WASHC5: variants seen among roughly 807,000 people sequenced by gnomAD.
The protein encoded by WASHC5 is WASH complex subunit 5.
In WASHC5, 101 loss-of-function variants were observed where a neutral mutation model predicts 150.4. The observed-to-expected ratio is 0.67, with a 90% CI of 0.57 to 0.79. The LOEUF is 0.79. Among genes scored for constraint, WASHC5 ranks in the 30% least tolerant of loss-of-function variants. The probability of loss-of-function intolerance (pLI) is 0.00; values close to 1 mark genes in which losing one functional copy is unlikely to be tolerated. For synonymous variants in WASHC5, 467 were observed against 491.2 expected, an observed-to-expected ratio of 0.95 and a Z score of 0.65; for missense variants, 1,195 against 1,396.3, an observed-to-expected ratio of 0.86 and a Z score of 2.30.
At chr8:125,079,951 A>G (rs1817199241) in intron 5 of WASHC5, among the ~76,000 whole-genome samples, 1 of 152,248 alleles carries the variant, frequency 6.6e-6, no homozygotes, top group Non-Finnish European at 1.5e-5. Context: ...AAATTAAAAA[A>G]TAATTTAAAA....
chr8:125,053,048 C>T (rs1402098089), intron 17 of WASHC5, among the ~76,000 whole-genome samples: 1 of 151,268 alleles, frequency 6.6e-6, no homozygotes, highest in Admixed American at 6.6e-5. Context: ...AAGTGAAAAA[C>T]AGTATGGGTA....
intron 8 of WASHC5, among the ~76,000 whole-genome samples, chr8:125,074,709 T>C (rs1042251666): frequency 2.6e-5 from 4 of 152,182 alleles, no homozygotes; most frequent in East Asian, 1.9e-4. Flanking sequence ...CATGAGAATA[T>C]AGTCTTTAAG....
intron 17 of WASHC5, among the ~76,000 whole-genome samples, chr8:125,051,130 C>G (rs576357688): frequency 6.6e-6 from 1 of 152,048 alleles, no homozygotes. Context: ...GATTTGAGGT[C>G]GGGCCACTCT....
rs1336291270 is a variant in WASHC5, at chr8:125,024,474, TACTC to T, written c.*139_*142del. 7.0e-6 allele frequency: 5 copies of T among 714,156 alleles called. No individual in the cohort carries two copies. Among genetic ancestry groups the T allele is most frequent in the African/African-American group, 3.5e-5 (2 of 56,950 alleles). The allele number at this position is 714,156 out of a possible 1,614,324, so 44.2% of individuals were successfully genotyped here. A position where few individuals can be genotyped will look rare whatever the true frequency, so the allele number is the denominator to read the frequency against. ...TTAACTAATGCCATGAGATATATCT[TACTC>T]AGAACGTCTGATGTTTCCCATAATA... is the stretch of plus-strand genomic sequence containing the variant. On this transcript the variant is annotated 3_prime_UTR_variant, in exon 29 of 29. Coordinates refer to ENST00000318410, the MANE Select transcript of WASHC5 (RefSeq NM_014846.4).
At chr8:125,056,947 T>A in intron 15 of WASHC5, 130 bp from the exon 16 acceptor site, 1 of 1,013,858 alleles carries the variant, frequency 9.9e-7, no homozygotes, top group Non-Finnish European at 1.5e-6. Context: ...TTTTAATAAC[T>A]GCTGGCAGGC....
intron 6 of WASHC5, 114 bp downstream of exon 6, chr8:125,078,624 G>A: frequency 1.1e-6 from 1 of 882,478 alleles, no homozygotes; most frequent in Non-Finnish European, 1.9e-6. Flanking sequence ...GTTTTAAAAG[G>A]TTCTACCTGC....
intron 9 of WASHC5, among the ~76,000 whole-genome samples, chr8:125,069,800 C>T (rs1816849600): frequency 6.6e-6 from 1 of 152,158 alleles, no homozygotes; most frequent in Non-Finnish European, 1.5e-5. Context: ...TTTTCAGCTC[C>T]ATATTTACCT....
At position 125,061,113 on chromosome 8, in the gene WASHC5, T is replaced by A. The variant is rs369308155; in HGVS notation, c.1490A>T (p.Lys497Ile). The A allele has an allele frequency of 2.5e-6, 4 of 1,611,304 alleles. No homozygotes were observed. Among genetic ancestry groups the A allele is most frequent in the Non-Finnish European group, 3.4e-6 (4 of 1,177,622 alleles). ...NYDDSTAAGR[K>I]TVQLIQALEE... ...CAAAGCTTGTATCAGTTGTACAGTT[T>A]TTCTGCCCGCAGCAGTAGAATCATC... Residue 497 changes from lysine to isoleucine, a missense_variant, in exon 12 of 29, where the codon AAA (lysine) becomes ATA (isoleucine). By Grantham distance (102) the Lys-to-Ile change is moderately radical (BLOSUM62 -3). Transcript: ENST00000318410.
intron 10 of WASHC5, among the ~76,000 whole-genome samples, chr8:125,067,180 A>G: frequency 6.6e-6 from 1 of 151,876 alleles, no homozygotes; most frequent in East Asian, 1.9e-4. Flanking sequence ...ATGCCCAGCT[A>G]ATTTTTGTAT....
rs1158605532 is a variant in WASHC5, at chr8:125,044,903, T to C, written c.2505-205A>G. ...AAGGTAAAATTCAGTCTGACCCCCT[T>C]TTCCTGCCCTATGCCATATCATTGG... On this transcript the variant is annotated intron_variant, in intron 20 of 28. Transcript: ENST00000318410. The C allele has an allele frequency of 4.8e-6, 3 of 618,564 alleles. No individual in the cohort carries two copies. In the African/African-American group the frequency reaches 5.5e-5, roughly 11 times the overall value. The allele number at this position is 618,564 out of a possible 1,614,324, so 38.3% of individuals were successfully genotyped here.
chr8:125,062,184 A>C (rs1282211128), intron 11 of WASHC5, among the ~76,000 whole-genome samples: 3 of 152,194 alleles, frequency 2.0e-5, no homozygotes, highest in Non-Finnish European at 1.5e-5. Context: ...TTGGGGTCTG[A>C]GATGAGTGAG....
intron 9 of WASHC5, among the ~76,000 whole-genome samples, chr8:125,070,673 T>C (rs73704524): frequency 0.01 from 1,527 of 152,004 alleles, 27 homozygotes; most frequent in African/African-American, 0.035. Context: ...AGAACTGGAG[T>C]TTATGTAAAA....
intron 11 of WASHC5, among the ~76,000 whole-genome samples, chr8:125,063,307 C>T (rs1319140591): frequency 6.6e-6 from 1 of 152,120 alleles, no homozygotes; most frequent in Non-Finnish European, 1.5e-5. Flanking sequence ...GATATAAAAC[C>T]TGAACTCTAA....
At position 125,083,095 on chromosome 8, in the gene WASHC5, T is replaced by C; in HGVS notation, c.332+18A>G. On this transcript the variant is annotated intron_variant, in intron 3 of 28. Coordinates refer to ENST00000318410, the MANE Select transcript of WASHC5 (RefSeq NM_014846.4). ...ACTATTTACTACCAGAATAAGCTAT[T>C]CCTAAATAGATCAATACCTGTTTAA... The C allele has an allele frequency of 7.0e-7, 1 of 1,431,760 alleles. No homozygotes were observed. Among genetic ancestry groups the C allele is most frequent in the Non-Finnish European group, 9.8e-7 (1 of 1,017,122 alleles). The allele number at this position is 1,431,760 out of a possible 1,614,324, so 88.7% of individuals were successfully genotyped here.
chr8:125,081,610 G>T, intron 5 of WASHC5, 51 bp downstream of exon 5: 1 of 986,164 alleles, frequency 1.0e-6, no homozygotes, highest in Non-Finnish European at 1.6e-6. Flanking sequence ...GACATACACT[G>T]CATTTTACCG....
intron 10 of WASHC5, among the ~76,000 whole-genome samples, chr8:125,063,965 G>T (rs950336435): frequency 1.3e-5 from 2 of 152,132 alleles, no homozygotes; most frequent in African/African-American, 4.8e-5. Context: ...AATAGGGCCA[G>T]AAATCCGCAT....
At chr8:125,028,511 G>T in intron 28 of WASHC5, 109 bp downstream of exon 28, 1 of 739,762 alleles carries the variant, frequency 1.4e-6, no homozygotes, top group Non-Finnish European at 2.4e-6. Flanking sequence ...AGGCGCAGAG[G>T]CATCTACTGT....
At chr8:125,087,970 T>G (rs1817469406) in intron 1 of WASHC5, among the ~76,000 whole-genome samples, 1 of 152,120 alleles carries the variant, frequency 6.6e-6, no homozygotes, top group Admixed American at 6.5e-5. Context: ...GGGCATATGC[T>G]AGTTTCCATA....
At chr8:125,044,409 C>CA in intron 21 of WASHC5, 127 bp downstream of exon 21, 1 of 1,013,740 alleles carries the variant, frequency 9.9e-7, no homozygotes, top group South Asian at 1.3e-5. Context: ...CAGTAGGTAT[C>CA]ATATGCCTAA....
Sources: gnomAD v4.1 joint callset for allele counts (sites outside exome capture counted in the v4.1 genomes callset) on GRCh38, gnomAD v4.1.1 for gene constraint, MANE v1.5 for transcripts, NCBI Gene and HGNC (gene_info 2026-07-23, HGNC 2026-07-21) for gene names.